Variants in JAM3 observed in about 807,000 individuals in gnomAD.
JAM3 encodes the protein junctional adhesion molecule C.
JAM3 carries 31 observed loss-of-function variants against 39.4 expected under a neutral mutation model. The ratio of observed to expected loss-of-function variants is 0.79; its 90% CI spans 0.59 to 1.06. JAM3 has a LOEUF of 1.06. Ranked by LOEUF, JAM3 falls within the 50% of genes least tolerant of loss-of-function variation. The pLI is 0.00. For missense variants in JAM3, 455 were observed against 391.4 expected, an observed-to-expected ratio of 1.16 and a Z score of -1.37; for synonymous variants, 182 against 148.7, an observed-to-expected ratio of 1.22 and a Z score of -1.63.
In JAM3 at chr11:134,140,646, T is replaced by C; in HGVS notation, c.143-11T>C. The C allele has an allele frequency of 6.2e-7, 1 of 1,608,410 alleles. No individual in the cohort carries two copies. The highest frequency in any genetic ancestry group is 8.5e-7 in the Non-Finnish European group (1 of 1,174,978). Reference sequence around the variant, plus strand: ...ATTCACCGAGAGCTCTTTTTCTTCTTTGCGTGTTAGGTGTGGAACTGTCTT... The same window carrying C: ...ATTCACCGAGAGCTCTTTTTCTTCTCTGCGTGTTAGGTGTGGAACTGTCTT... On this transcript the variant is annotated splice_polypyrimidine_tract_variant and intron_variant, in intron 2 of 8. Transcript: ENST00000299106.
At position 134,121,007 on chromosome 11, in the gene JAM3, CCA is replaced by C. The variant is rs1303117673; in HGVS notation, c.77-18843_77-18842del. ...AACAATAGAGCTGTGTTTCTGTGCACCAACCGCAGATGCTGGGTCTGGCCCCC... is the reference window on the plus strand; with the variant it reads ...AACAATAGAGCTGTGTTTCTGTGCACACCGCAGATGCTGGGTCTGGCCCCC... On this transcript the variant is annotated intron_variant, in intron 1 of 8. Coordinates refer to ENST00000299106, the MANE Select transcript of JAM3 (RefSeq NM_032801.5). Among the ~76,000 whole-genome samples the C allele has an allele frequency of 1.6e-3, 237 of 152,292 alleles. 1 individual carries two copies. The highest frequency in any genetic ancestry group is 2.7e-3 in the Admixed American group (42 of 15,298).
In JAM3 at chr11:134,148,678, T is replaced by C; in HGVS notation, c.842+2T>C. On this transcript the variant is annotated splice_donor_variant, in intron 7 of 8. Transcript: ENST00000299106. LOFTEE classifies it high-confidence loss of function. The stretch of plus-strand genomic sequence containing the variant: ...CAACAATAAACAGGATGGAGAAAGG[T>C]GAGCCTGCCTTATGTGAAAAAAGGG... The C allele has an allele frequency of 6.2e-7, 1 of 1,613,914 alleles. No homozygotes were observed. Among genetic ancestry groups the C allele is most frequent in the Non-Finnish European group, 8.5e-7 (1 of 1,179,902 alleles).
chr11:134,119,608 ACGATG>A, intron 1 of JAM3, among the ~76,000 whole-genome samples: 1 of 152,322 alleles, frequency 6.6e-6, no homozygotes. Context: ...AGGAGAGTCG[ACGATG>A]CCAGTGAAGT....
chr11:134,139,247 C>G (rs1302678653), intron 1 of JAM3, among the ~76,000 whole-genome samples: 1 of 152,202 alleles, frequency 6.6e-6, no homozygotes, highest in African/African-American at 2.4e-5. Flanking sequence ...ATGATATAAA[C>G]TCAGCTTCGT....
intron 1 of JAM3, among the ~76,000 whole-genome samples, chr11:134,084,981 C>G (rs1941725369): frequency 6.6e-6 from 1 of 152,068 alleles, no homozygotes; most frequent in African/African-American, 2.4e-5. Flanking sequence ...TGGTCCACAG[C>G]CACTGTTGTG....
intron 1 of JAM3, among the ~76,000 whole-genome samples, chr11:134,102,880 G>C (rs1942102550): frequency 1.3e-5 from 2 of 152,286 alleles, no homozygotes; most frequent in South Asian, 2.1e-4. Context: ...CCAAATCTAT[G>C]TCTGATTGGT....
intron 3 of JAM3, 85 bp downstream of exon 3, chr11:134,140,855 G>T (rs1480589825): frequency 6.6e-7 from 1 of 1,519,322 alleles, no homozygotes. Flanking sequence ...ACTTACCTCA[G>T]ACTGGTAACC....
chr11:134,109,241 C>T (rs780665013), intron 1 of JAM3, among the ~76,000 whole-genome samples: 10 of 151,982 alleles, frequency 6.6e-5, no homozygotes, highest in Admixed American at 1.3e-4. Context: ...GGATTACAGG[C>T]GTGAGCCACC....
At position 134,149,696 on chromosome 11, in the gene JAM3, T is replaced by C. The variant is rs1565508636; in HGVS notation, c.*515T>C. 1 of 456,666 alleles carries C rather than the reference T, an allele frequency of 2.2e-6. No individual in the cohort carries two copies. The highest frequency in any genetic ancestry group is 2.3e-5 in the Admixed American group (1 of 42,604). The allele number at this position is 456,666 out of a possible 1,614,324, so 28.3% of individuals were successfully genotyped here. On this transcript the variant is annotated 3_prime_UTR_variant, in exon 9 of 9. Coordinates refer to ENST00000299106, the MANE Select transcript of JAM3 (RefSeq NM_032801.5). Reference sequence around the variant, plus strand: ...CACCGCAGTTTCTTCTTAAAGGCTCTGCTGATCGGTGTTGCAGTGTCCATT... The same window carrying C: ...CACCGCAGTTTCTTCTTAAAGGCTCCGCTGATCGGTGTTGCAGTGTCCATT...
chr11:134,122,611 TC>T lies in JAM3; in HGVS notation c.77-17239del, dbSNP rs149285644. 2.9e-3 allele frequency among the ~76,000 whole-genome samples: 439 copies of T among 152,342 alleles called. 5 individuals are homozygous for T. The highest frequency in any genetic ancestry group is 0.01 in the African/African-American group (426 of 41,564). On this transcript the variant is annotated intron_variant, in intron 1 of 8. Coordinates refer to ENST00000299106, the MANE Select transcript of JAM3 (RefSeq NM_032801.5). ...GTGGACACATACTCACTAGGCATCA[TC>T]GCTGGTTTTAAACCAGGGATATTTT... is the stretch of plus-strand genomic sequence containing the variant.
At chr11:134,088,670 C>A (rs926001674) in intron 1 of JAM3, among the ~76,000 whole-genome samples, 1 of 152,130 alleles carries the variant, frequency 6.6e-6, no homozygotes, top group African/African-American at 2.4e-5. Context: ...ATATAAATAA[C>A]AGTTTTAAGA....
chr11:134,099,900 C>T (rs114464312), intron 1 of JAM3, among the ~76,000 whole-genome samples: 3,194 of 152,232 alleles, frequency 0.021, 113 homozygotes, highest in African/African-American at 0.072. Context: ...CCACCGCGCC[C>T]GGCTTGCTTC....
intron 8 of JAM3, 145 bp from the exon 9 acceptor site, chr11:134,149,001 G>A: frequency 2.2e-6 from 2 of 901,694 alleles, no homozygotes; most frequent in Non-Finnish European, 3.6e-6. Flanking sequence ...CACACTAATG[G>A]GATTTGTGCT....
At chr11:134,137,564 A>G (rs1420211268) in intron 1 of JAM3, among the ~76,000 whole-genome samples, 2 of 152,322 alleles carry the variant, frequency 1.3e-5, no homozygotes, top group Non-Finnish European at 2.9e-5. Context: ...ATCTCTGGTC[A>G]TAGTCCCTTA....
chr11:134,137,621 G>T (rs915305136), intron 1 of JAM3, among the ~76,000 whole-genome samples: 1 of 152,160 alleles, frequency 6.6e-6, no homozygotes, highest in Non-Finnish European at 1.5e-5. Context: ...CATACTGAGA[G>T]AAATGTTTAT....
intron 1 of JAM3, among the ~76,000 whole-genome samples, chr11:134,082,537 C>T (rs971730029): frequency 1.3e-5 from 2 of 152,082 alleles, no homozygotes; most frequent in Non-Finnish European, 2.9e-5. Context: ...GATAGTGAAT[C>T]AGTTTTATGA....
intron 8 of JAM3, 100 bp downstream of exon 8, chr11:134,148,918 A>G (rs937867019): frequency 5.7e-6 from 7 of 1,226,442 alleles, no homozygotes; most frequent in Admixed American, 1.9e-5. Flanking sequence ...TTTCTGAGTG[A>G]TTGTGCAGCT....
At chr11:134,110,003 G>T (rs557826851) in intron 1 of JAM3, among the ~76,000 whole-genome samples, 1 of 152,140 alleles carries the variant, frequency 6.6e-6, no homozygotes, top group Admixed American at 6.6e-5. Flanking sequence ...CTCTAAAATG[G>T]CAGAGTTGAG....
chr11:134,140,030 G>C, intron 2 of JAM3, 114 bp downstream of exon 2: 1 of 862,054 alleles, frequency 1.2e-6, no homozygotes, highest in Non-Finnish European at 1.9e-6. Context: ...GATGTTCCGG[G>C]TGGACTGCTC....
Sources: allele counts gnomAD v4.1 joint callset (sites outside exome capture counted in the v4.1 genomes callset), GRCh38; gene constraint gnomAD v4.1.1; transcripts MANE v1.5; gene names NCBI Gene and HGNC (gene_info 2026-07-23, HGNC 2026-07-21).